RYR2: variants seen among roughly 807,000 people sequenced by gnomAD.
RYR2 encodes the protein ryanodine receptor 2.
In RYR2, 227 loss-of-function variants were observed where a neutral mutation model predicts 601.1. That is an observed-to-expected ratio of 0.38 (90% CI 0.34 to 0.42). The LOEUF (loss-of-function observed/expected upper bound fraction) is 0.42. Ranked by LOEUF, RYR2 falls within the 10% of genes least tolerant of loss-of-function variation. The pLI is 1.00. For missense variants in RYR2, 4,646 were observed against 6,156.5 expected (o/e 0.75, Z 8.21); for synonymous variants, 2,223 against 2,175.1 (o/e 1.02, Z -0.61).
chr1:237,586,517 T>A (rs1674544998), intron 29 of RYR2, among the ~76,000 whole-genome samples: 2 of 152,122 alleles, frequency 1.3e-5, no homozygotes, highest in Admixed American at 1.3e-4. Flanking sequence ...AGCTAACAAG[T>A]GGAGGGGCTA....
Position 237,804,727 on chromosome 1 carries a change from C to T in RYR2, c.14152-1410C>T, listed in dbSNP as rs1188653986. On this transcript the variant is annotated intron_variant, in intron 98 of 104. Coordinates refer to ENST00000366574, the MANE Select transcript of RYR2 (RefSeq NM_001035.3). ...ACGTCACATGGTATTTGGGTTTCTC[C>T]TAGACTTACTGTGGCTCACGTAAAG... 3.9e-5 allele frequency among the ~76,000 whole-genome samples: 6 copies of T among 152,166 alleles called. No individual in the cohort carries two copies. In the East Asian group the frequency reaches 1.2e-3, roughly 29 times the overall value.
intron 1 of RYR2, among the ~76,000 whole-genome samples, chr1:237,191,304 T>G (rs1023437044): frequency 2.0e-5 from 3 of 152,214 alleles, no homozygotes; most frequent in African/African-American, 7.2e-5. Flanking sequence ...ACTGTCTGAT[T>G]ACTGTCATTT....
intron 1 of RYR2, among the ~76,000 whole-genome samples, chr1:237,110,151 T>A (rs1669293611): frequency 6.6e-6 from 1 of 151,994 alleles, no homozygotes; most frequent in African/African-American, 2.4e-5. Flanking sequence ...TTACTCAAGT[T>A]CTTAAACTTG....
At chr1:237,382,945 C>T (rs1203354651) in intron 8 of RYR2, among the ~76,000 whole-genome samples, 1 of 148,862 alleles carries the variant, frequency 6.7e-6, no homozygotes, top group Non-Finnish European at 1.5e-5. Flanking sequence ...AAAACTGATG[C>T]CTGAGGAGTA....
chr1:237,796,534 T>C (rs1573990720), intron 96 of RYR2, among the ~76,000 whole-genome samples: 1 of 152,316 alleles, frequency 6.6e-6, no homozygotes, highest in East Asian at 1.9e-4. Context: ...TTGGTTTCTT[T>C]TAATTTACTT....
chr1:237,827,632 A>G (rs1398965457), intron 101 of RYR2, among the ~76,000 whole-genome samples: 1 of 86,152 alleles, frequency 1.2e-5, no homozygotes, highest in Non-Finnish European at 2.5e-5. Flanking sequence ...TGTCTCAAAA[A>G]AAAAAAAAAA....
At chr1:237,513,196 G>T (rs758628170) in intron 24 of RYR2, among the ~76,000 whole-genome samples, 4 of 152,140 alleles carry the variant, frequency 2.6e-5, no homozygotes, top group Non-Finnish European at 4.4e-5. Context: ...GGACTGAAAT[G>T]GAATAAAGGA....
At chr1:237,811,286 C>T (rs527832608) in intron 100 of RYR2, among the ~76,000 whole-genome samples, 131 of 152,164 alleles carry the variant, frequency 8.6e-4, no homozygotes, top group African/African-American at 3.0e-3. Context: ...TGCTGAAACT[C>T]GATGTTACAT....
chr1:237,072,780 C>G (rs904111786), intron 1 of RYR2, among the ~76,000 whole-genome samples: 7 of 151,912 alleles, frequency 4.6e-5, no homozygotes, highest in Admixed American at 6.6e-5. Flanking sequence ...AACCCCGACT[C>G]TACTAAAAGT....
At position 237,593,527 on chromosome 1, in the gene RYR2, G is replaced by C; in HGVS notation, c.4327G>C (p.Val1443Leu). Reference protein sequence around the residue: ...FPGQEPANVWVGWITSDFHQY... With the variant: ...FPGQEPANVWLGWITSDFHQY... Reference sequence around the variant, plus strand: ...TGGACAAGAACCTGCTAATGTCTGGGTGGGCTGGATTACATCAGATTTCCA... The same window carrying C: ...TGGACAAGAACCTGCTAATGTCTGGCTGGGCTGGATTACATCAGATTTCCA... Residue 1443 changes from valine (V) to leucine (L), a missense_variant, in exon 33 of 105, where the codon GTG becomes CTG. By Grantham distance (32) the Val-to-Leu change is conservative. Transcript: ENST00000366574. The C allele has an allele frequency of 6.2e-7, 1 of 1,613,888 alleles. No individual in the cohort carries two copies. Among genetic ancestry groups the C allele is most frequent in the Non-Finnish European group, 8.5e-7 (1 of 1,179,840 alleles).
chr1:237,577,412 G>A (rs1331153932), intron 29 of RYR2, among the ~76,000 whole-genome samples: 2 of 152,022 alleles, frequency 1.3e-5, no homozygotes, highest in Non-Finnish European at 2.9e-5. Flanking sequence ...TAGTGATCTT[G>A]AAATGAGGAG....
intron 80 of RYR2, among the ~76,000 whole-genome samples, chr1:237,745,459 G>C (rs919905546): frequency 6.6e-6 from 1 of 152,172 alleles, no homozygotes; most frequent in African/African-American, 2.4e-5. Flanking sequence ...AGAATGTGTT[G>C]ATAGTTGTAT....
intron 1 of RYR2, among the ~76,000 whole-genome samples, chr1:237,222,023 T>C (rs948127770): frequency 2.0e-5 from 3 of 152,276 alleles, no homozygotes; most frequent in African/African-American, 4.8e-5. Context: ...GCAGGTCCTA[T>C]GAAGAGGAGG....
intron 82 of RYR2, among the ~76,000 whole-genome samples, chr1:237,758,412 T>C (rs1053682203): frequency 2.0e-5 from 3 of 152,202 alleles, no homozygotes; most frequent in African/African-American, 7.2e-5. Flanking sequence ...AAACAATGAT[T>C]GTTTCATTTT....
At chr1:237,236,199 G>T (rs1248546961) in intron 1 of RYR2, among the ~76,000 whole-genome samples, 1 of 152,172 alleles carries the variant, frequency 6.6e-6, no homozygotes. Flanking sequence ...GGGTGCACCT[G>T]CCCTGTTTCA....
chr1:237,687,876 A>G (rs151134171), intron 63 of RYR2, among the ~76,000 whole-genome samples: 271 of 152,292 alleles, frequency 1.8e-3, no homozygotes, highest in African/African-American at 6.3e-3. Context: ...GTTATAAATC[A>G]AAATTTTAAA....
intron 1 of RYR2, among the ~76,000 whole-genome samples, chr1:237,234,903 A>C (rs1558471785): frequency 6.6e-6 from 1 of 152,002 alleles, no homozygotes; most frequent in South Asian, 2.1e-4. Flanking sequence ...TTAATGCCCA[A>C]GAATCTAGTT....
At chr1:237,350,588 AAAAAAAAAAAAAAAATATATATATATAT>A (rs1475047912) in intron 3 of RYR2, among the ~76,000 whole-genome samples, 17 of 95,406 alleles carry the variant, frequency 1.8e-4, no homozygotes, top group African/African-American at 7.3e-4. Context: ...AAAAAAAAAA[AAAAAAAAAAAAAAAATATATATATATAT>A]ATATATATAT....
At chr1:237,781,303 G>A (rs1695088721) in intron 88 of RYR2, among the ~76,000 whole-genome samples, 1 of 152,148 alleles carries the variant, frequency 6.6e-6, no homozygotes, top group Admixed American at 6.5e-5. Context: ...GTGCGCCTCG[G>A]CCTCCCAAAG....
Sources: gnomAD v4.1 joint callset for allele counts (sites outside exome capture counted in the v4.1 genomes callset) on GRCh38, gnomAD v4.1.1 for gene constraint, MANE v1.5 for transcripts, NCBI Gene and HGNC (gene_info 2026-07-23, HGNC 2026-07-21) for gene names.